The following SLC24A2 variants were observed in gnomAD, a reference collection of about 807,000 sequenced individuals.
SLC24A2 encodes solute carrier family 24 member 2, also known as sodium/potassium/calcium exchanger 2.
A neutral mutation model predicts 62.0 loss-of-function variants in SLC24A2; 36 were observed. That is an observed-to-expected ratio of 0.58 (90% CI 0.44 to 0.77). The LOEUF is 0.77. Ranked by LOEUF, SLC24A2 falls within the 30% of genes least tolerant of loss-of-function variation. SLC24A2 has a pLI of 0.00. For synonymous variants in SLC24A2, 358 were observed against 294.0 expected (o/e 1.22, Z -2.23); for missense variants, 846 against 817.9 (o/e 1.03, Z -0.42).
chr9:20,262,028 G>A, the SLC24A2 span, among the ~76,000 whole-genome samples: 2 of 152,066 alleles, frequency 1.3e-5, no homozygotes, highest in Non-Finnish European at 2.9e-5. Flanking sequence ...GTGAGCCACC[G>A]TGCCTGGCTA....
At chr9:19,938,254 T>C in the SLC24A2 span, among the ~76,000 whole-genome samples, 2 of 152,250 alleles carry the variant, frequency 1.3e-5, no homozygotes, top group South Asian at 4.1e-4. Context: ...TGGACATTCA[T>C]TTCAAAAAAC....
Position 19,522,158 on chromosome 9 carries a change from A to G in SLC24A2, c.1570-1098T>C, listed in dbSNP as rs555800208. Among the ~76,000 whole-genome samples the G allele has an allele frequency of 2.4e-4, 36 of 152,212 alleles. No homozygotes were observed. The East Asian group carries it at 7.0e-3, about 29-fold the overall frequency. On this transcript the variant is annotated intron_variant, in intron 9 of 10. Coordinates refer to ENST00000341998, the MANE Select transcript of SLC24A2 (RefSeq NM_020344.4). The stretch of plus-strand genomic sequence containing the variant: ...AGAGTAGCTGGGACCACAGGTGAGC[A>G]CTGCCACACCTGGCTAGTTTTTTTT...
At chr9:19,784,387 G>A (rs1402780279) in intron 2 of SLC24A2, among the ~76,000 whole-genome samples, 1 of 152,174 alleles carries the variant, frequency 6.6e-6, no homozygotes, top group Non-Finnish European at 1.5e-5. Context: ...AAGTCTCTAA[G>A]TTAATGAAGT....
chr9:19,853,476 T>C, the SLC24A2 span, among the ~76,000 whole-genome samples: 3 of 152,180 alleles, frequency 2.0e-5, no homozygotes, highest in Non-Finnish European at 4.4e-5. Flanking sequence ...TTTTGAGGTA[T>C]GTTCCTTCAA....
chr9:19,822,326 G>T, the SLC24A2 span, among the ~76,000 whole-genome samples: 7 of 152,222 alleles, frequency 4.6e-5, no homozygotes, highest in South Asian at 1.2e-3. Context: ...GTCACCTATG[G>T]ACCAGACAGT....
At chr9:19,798,598 CCA>C in the SLC24A2 span, among the ~76,000 whole-genome samples, 599 of 146,474 alleles carry the variant, frequency 4.1e-3, 5 homozygotes, top group South Asian at 0.02. Context: ...ATCCTTTATA[CCA>C]CACACACACA....
the SLC24A2 span, among the ~76,000 whole-genome samples, chr9:19,797,695 G>A: frequency 1.3e-5 from 2 of 152,290 alleles, no homozygotes; most frequent in South Asian, 4.1e-4. Flanking sequence ...GAGGCTAGGG[G>A]ACTTTATTAT....
intron 9 of SLC24A2, among the ~76,000 whole-genome samples, chr9:19,522,691 C>T (rs375306881): frequency 1.2e-4 from 18 of 152,250 alleles, no homozygotes; most frequent in African/African-American, 3.4e-4. Context: ...TTGGTCACCA[C>T]GATCTCCCTA....
chr9:19,539,365 C>T (rs1834140923), intron 8 of SLC24A2, among the ~76,000 whole-genome samples: 1 of 150,174 alleles, frequency 6.7e-6, no homozygotes, highest in Admixed American at 6.7e-5. Flanking sequence ...TCCCTCTACA[C>T]ACTGCTTTGA....
chr9:20,070,772 A>G, the SLC24A2 span, among the ~76,000 whole-genome samples: 1 of 152,216 alleles, frequency 6.6e-6, no homozygotes, highest in East Asian at 1.9e-4. Context: ...TCAGAACAAG[A>G]TTGATTAGCC....
chr9:19,622,357 CAT>C, intron 2 of SLC24A2, 58 bp from the exon 3 acceptor site: 1 of 1,491,952 alleles, frequency 6.7e-7, no homozygotes, highest in Non-Finnish European at 9.3e-7. Flanking sequence ...TGAAGAATCA[CAT>C]ATGGCATTTA....
At position 19,622,282 on chromosome 9, in the gene SLC24A2, G is replaced by C; in HGVS notation, c.948C>G (p.Asp316Glu). 1.2e-6 allele frequency: 2 copies of C among 1,612,790 alleles called. No homozygotes were observed. Among genetic ancestry groups the C allele is most frequent in the Non-Finnish European group, 8.5e-7 (1 of 1,179,020 alleles). ...EAQAKPSAAR[D>E]KDEPTLPAKP... Reference sequence around the variant, plus strand: ...CTACCGGTAGAGTTGGTTCATCCTTGTCCCTGGCTGCAGATGGCTGCATAA... The same window carrying C: ...CTACCGGTAGAGTTGGTTCATCCTTCTCCCTGGCTGCAGATGGCTGCATAA... Residue 316 changes from aspartate (D) to glutamate (E), a missense_variant, in exon 3 of 11, where the codon GAC (aspartate) becomes GAG (glutamate). Asp to Glu is a conservative substitution (Grantham distance 45, BLOSUM62 2). Coordinates refer to ENST00000341998, the MANE Select transcript of SLC24A2 (RefSeq NM_020344.4).
the SLC24A2 span, among the ~76,000 whole-genome samples, chr9:20,045,837 C>G: frequency 2.0e-5 from 3 of 152,168 alleles, no homozygotes; most frequent in African/African-American, 7.2e-5. Context: ...TGTGCCTAAT[C>G]ATACGGTGAG....
chr9:20,256,570 C>A, the SLC24A2 span, among the ~76,000 whole-genome samples: 1 of 152,042 alleles, frequency 6.6e-6, no homozygotes. Flanking sequence ...GGTAACTGTC[C>A]CAAGGGTTCT....
At chr9:19,563,816 TCCTTCCTTCCTCCCTCCCTCCCTC>T (rs1563968778) in intron 7 of SLC24A2, among the ~76,000 whole-genome samples, 4 of 106,674 alleles carry the variant, frequency 3.7e-5, no homozygotes, top group Non-Finnish European at 5.6e-5. Flanking sequence ...CTTCCTTCCT[TCCTTCCTTCCTCCCTCCCTCCCTC>T]CCTCCCTCCC....
chr9:20,113,722 C>T, the SLC24A2 span, among the ~76,000 whole-genome samples: 4 of 152,184 alleles, frequency 2.6e-5, no homozygotes, highest in South Asian at 8.3e-4. Flanking sequence ...CATATATATA[C>T]TCTTGCCTTT....
At chr9:19,856,315 C>G in the SLC24A2 span, among the ~76,000 whole-genome samples, 14 of 152,176 alleles carry the variant, frequency 9.2e-5, no homozygotes, top group Non-Finnish European at 1.8e-4. Context: ...CAGCCCAGTT[C>G]TGTGCCTTTG....
At chr9:20,145,597 ATG>A in the SLC24A2 span, among the ~76,000 whole-genome samples, 2 of 148,212 alleles carry the variant, frequency 1.3e-5, no homozygotes, top group Non-Finnish European at 3.0e-5. Flanking sequence ...ATTCCATCAC[ATG>A]TATGTGTGTG....
the SLC24A2 span, among the ~76,000 whole-genome samples, chr9:20,030,378 G>A: frequency 6.6e-6 from 1 of 152,226 alleles, no homozygotes; most frequent in Non-Finnish European, 1.5e-5. Context: ...TCTGAGGTCT[G>A]GAGAGAGCTG....
Sources: gnomAD v4.1 joint callset for allele counts (sites outside exome capture counted in the v4.1 genomes callset) on GRCh38, gnomAD v4.1.1 for gene constraint, MANE v1.5 for transcripts, NCBI Gene and HGNC (gene_info 2026-07-23, HGNC 2026-07-21) for gene names.